The following MED23 variants were observed in gnomAD, a reference collection of about 807,000 sequenced individuals.
MED23 encodes mediator complex subunit 23.
Under a neutral mutation model 163.9 loss-of-function variants are expected in MED23, and 105 were observed. That is an observed-to-expected ratio of 0.64 (90% CI 0.55 to 0.75). The LOEUF is 0.75. Among genes scored for constraint, MED23 ranks in the 30% least tolerant of loss-of-function variants. The pLI, the probability that MED23 is intolerant of heterozygous loss-of-function variation, is 0.00. For missense variants in MED23, 1,054 were observed against 1,649.0 expected (o/e 0.64, Z 6.25); for synonymous variants, 561 against 565.6 (o/e 0.99, Z 0.12).
rs1315109818 is a variant in MED23, at chr6:131,627,674, T to G, written c.40-2A>C. The G allele has an allele frequency of 6.4e-7, 1 of 1,565,058 alleles. No homozygotes were observed. The highest frequency in any genetic ancestry group is 8.6e-7 in the Non-Finnish European group (1 of 1,160,894). Reference sequence around the variant, plus strand: ...AGCCTCTTCTATAACTTCCGTTTTCTGTAAAAAAAAAAAAAACAAAATGTA... The same window carrying G: ...AGCCTCTTCTATAACTTCCGTTTTCGGTAAAAAAAAAAAAAACAAAATGTA... On this transcript the variant is annotated splice_acceptor_variant, in intron 1 of 28. Transcript: ENST00000368068. LOFTEE classifies it high-confidence loss of function.
At chr6:131,574,675 C>A (rs577406850) in intron 30 of MED23, among the ~76,000 whole-genome samples, 2 of 151,824 alleles carry the variant, frequency 1.3e-5, no homozygotes, top group Non-Finnish European at 2.9e-5. Context: ...TTTGTCCTCA[C>A]CTAAAGGAGG....
downstream of MED23, among the ~76,000 whole-genome samples, chr6:131,584,851 T>A (rs933700090): frequency 7.9e-6 from 1 of 127,308 alleles, no homozygotes; most frequent in Non-Finnish European, 1.7e-5. Context: ...ACACACACAC[T>A]AGCTGGGCAT....
chr6:131,620,252 A>C (rs540010330), intron 7 of MED23, among the ~76,000 whole-genome samples: 2 of 152,334 alleles, frequency 1.3e-5, no homozygotes, highest in Admixed American at 6.5e-5. Context: ...AAATAAGCAC[A>C]CAAAAATAAG....
intron 23 of MED23, among the ~76,000 whole-genome samples, chr6:131,593,462 TAA>T (rs199884199): frequency 0.011 from 1,718 of 152,308 alleles, 40 homozygotes; most frequent in African/African-American, 0.039. Flanking sequence ...TTAATAGTTA[TAA>T]GACATTAATA....
At chr6:131,621,329 A>T (rs1455544890) in intron 6 of MED23, among the ~76,000 whole-genome samples, 1 of 152,030 alleles carries the variant, frequency 6.6e-6, no homozygotes, top group Non-Finnish European at 1.5e-5. Flanking sequence ...ATTATAAAAA[A>T]ATAAGTATAT....
chr6:131,589,165 T>C (rs577315461), intron 28 of MED23, among the ~76,000 whole-genome samples: 6 of 152,308 alleles, frequency 3.9e-5, no homozygotes, highest in Admixed American at 2.6e-4. Context: ...TCAGCAGCCA[T>C]ATCCCACTGT....
chr6:131,593,456 T>C (rs1774804144), intron 23 of MED23, among the ~76,000 whole-genome samples: 1 of 151,996 alleles, frequency 6.6e-6, no homozygotes, highest in Non-Finnish European at 1.5e-5. Flanking sequence ...TTTCTTTTAA[T>C]AGTTATAAGA....
At chr6:131,618,942 C>T (rs1415235443) in intron 8 of MED23, among the ~76,000 whole-genome samples, 3 of 152,146 alleles carry the variant, frequency 2.0e-5, no homozygotes, top group Non-Finnish European at 4.4e-5. Context: ...AGTTTAAGAC[C>T]ACTAGTCCAG....
chr6:131,603,646 A>G (rs1462241959), intron 15 of MED23, among the ~76,000 whole-genome samples: 1 of 152,184 alleles, frequency 6.6e-6, no homozygotes, highest in Non-Finnish European at 1.5e-5. Flanking sequence ...AAGAAGAGTT[A>G]TTGTGGTTAA....
chr6:131,581,332 T>C, intron 30 of MED23: 11 of 1,613,880 alleles, frequency 6.8e-6, no homozygotes, highest in East Asian at 2.2e-5. Flanking sequence ...AGTGGAAACT[T>C]GCATGGACAA....
chr6:131,584,096 T>C, downstream of MED23: 1 of 662,418 alleles, frequency 1.5e-6, no homozygotes, highest in Non-Finnish European at 2.5e-6. Context: ...TTTTTTGAAA[T>C]TTAAAAGCTT....
At chr6:131,585,513 A>G (rs892600251), downstream of MED23, among the ~76,000 whole-genome samples, 1 of 152,236 alleles carries the variant, frequency 6.6e-6, no homozygotes, top group African/African-American at 2.4e-5. Flanking sequence ...ACTCTAAGAT[A>G]TATTCTCTAA....
chr6:131,612,016 C>T (rs1585535458), intron 10 of MED23, among the ~76,000 whole-genome samples: 2 of 151,960 alleles, frequency 1.3e-5, no homozygotes, highest in Non-Finnish European at 2.9e-5. Context: ...ACGATTTTGA[C>T]AAAGCAAGAA....
chr6:131,584,956 G>A (rs1268725940), downstream of MED23, among the ~76,000 whole-genome samples: 2 of 145,246 alleles, frequency 1.4e-5, no homozygotes, highest in African/African-American at 5.2e-5. Flanking sequence ...CTTAGATCAC[G>A]CCACTGCACT....
At position 131,594,344 on chromosome 6, in the gene MED23, A is replaced by T. The variant is rs1394507481; in HGVS notation, c.2996-9T>A. 3.2e-6 allele frequency: 5 copies of T among 1,580,298 alleles called. No homozygotes were observed. Among genetic ancestry groups the T allele is most frequent in the East Asian group, 4.5e-5 (2 of 44,738 alleles). On this transcript the variant is annotated splice_polypyrimidine_tract_variant and intron_variant, in intron 22 of 28. Coordinates refer to ENST00000368068, the MANE Select transcript of MED23 (RefSeq NM_004830.4). The stretch of plus-strand genomic sequence containing the variant: ...ATAAGTCACTGGACGATCTGCCAAG[A>T]AAAAAACATACCACCACAATGTTTA...
chr6:131,604,473 G>A (rs1775710895), intron 14 of MED23, among the ~76,000 whole-genome samples, 153 bp from the exon 15 acceptor site: 1 of 152,146 alleles, frequency 6.6e-6, no homozygotes, highest in South Asian at 2.1e-4. Context: ...CAGGACACTT[G>A]GTAAGGATGC....
chr6:131,597,952 G>A (rs1046687713), intron 20 of MED23, among the ~76,000 whole-genome samples: 3 of 151,996 alleles, frequency 2.0e-5, no homozygotes, highest in Non-Finnish European at 4.4e-5. Context: ...AAAACTAGCT[G>A]GGTATGGTAG....
intron 27 of MED23, 130 bp downstream of exon 27, chr6:131,590,192 C>T: frequency 2.4e-6 from 2 of 821,508 alleles, no homozygotes; most frequent in Admixed American, 2.2e-5. Context: ...TCTAAAATTG[C>T]TCTTGGATCC....
chr6:131,610,305 A>G (rs1191693699), intron 10 of MED23, 59 bp from the exon 11 acceptor site: 5 of 1,513,088 alleles, frequency 3.3e-6, no homozygotes, highest in Non-Finnish European at 4.5e-6. Flanking sequence ...TTCAGAAGTT[A>G]CCAGTTAATG....
Sources: allele counts gnomAD v4.1 joint callset (sites outside exome capture counted in the v4.1 genomes callset), GRCh38; gene constraint gnomAD v4.1.1; transcripts MANE v1.5; gene names NCBI Gene and HGNC (gene_info 2026-07-23, HGNC 2026-07-21).